SLC2A9: variants seen among roughly 807,000 people sequenced by gnomAD.
SLC2A9 encodes the protein solute carrier family 2, facilitated glucose transporter member 9.
A neutral mutation model predicts 50.6 loss-of-function variants in SLC2A9; 39 were observed. That is an observed-to-expected ratio of 0.77 (90% CI 0.60 to 1.01). The LOEUF (loss-of-function observed/expected upper bound fraction) is 1.01, where lower values mean the gene tolerates loss of function less well. Among genes scored for constraint, SLC2A9 ranks in the 50% least tolerant of loss-of-function variants. The probability of loss-of-function intolerance (pLI) is 0.00; values close to 1 mark genes in which losing one functional copy is unlikely to be tolerated. For synonymous variants in SLC2A9, 324 were observed against 276.9 expected, an observed-to-expected ratio of 1.17 and a Z score of -1.69; for missense variants, 686 against 677.6, an observed-to-expected ratio of 1.01 and a Z score of -0.14.
chr4:9,797,159 A>T (rs1182188719), downstream of SLC2A9, among the ~76,000 whole-genome samples: 1 of 152,134 alleles, frequency 6.6e-6, no homozygotes, highest in African/African-American at 2.4e-5. Context: ...CTCTGCTCTC[A>T]AGGGTGCCTT....
rs116556679 is a variant in SLC2A9 at position 9,934,059 on chromosome 4, G to T, written c.814+7854C>A. On this transcript the variant is annotated intron_variant, in intron 6 of 11. Transcript: ENST00000264784. Reference sequence around the variant, plus strand: ...ATCTGTGACCTTAATTCCATCTGTGGCCCTAATTCCTTCATCATGTAACCT... The same window carrying T: ...ATCTGTGACCTTAATTCCATCTGTGTCCCTAATTCCTTCATCATGTAACCT... Among the ~76,000 whole-genome samples the T allele has an allele frequency of 4.0e-3, 608 of 152,208 alleles. 4 individuals are homozygous for T. The highest frequency in any genetic ancestry group is 0.014 in the African/African-American group (568 of 41,524).
At chr4:9,875,207 G>A (rs1271009058) in intron 10 of SLC2A9, among the ~76,000 whole-genome samples, 26 of 142,982 alleles carry the variant, frequency 1.8e-4, no homozygotes, top group African/African-American at 6.0e-4. Flanking sequence ...ATGGGATGCT[G>A]TGTCTTTAGA....
rs116956085 is a variant in SLC2A9, at chr4:9,948,827, C to A, written c.682-6782G>T. Among the ~76,000 whole-genome samples the A allele has an allele frequency of 5.1e-3, 771 of 152,346 alleles. 16 individuals carry two copies. The East Asian group carries it at 0.077, about 15-fold the overall frequency. ...CATTCTCCAATCAGCTTCCTGCCCA[C>A]ATCTCCATCTCAGGGTCTCTTTTCT... On this transcript the variant is annotated intron_variant, in intron 5 of 11. Transcript: ENST00000264784.
intron 6 of SLC2A9, among the ~76,000 whole-genome samples, chr4:9,935,851 T>A (rs1746973243): frequency 6.6e-6 from 1 of 152,180 alleles, no homozygotes. Flanking sequence ...TGCAGGAAGC[T>A]CTGTGGCTCA....
In SLC2A9 at chr4:10,019,070, A is replaced by T. The variant is rs569612872; in HGVS notation, c.154T>A (p.Trp52Arg). Reference sequence around the variant, plus strand: ...GAGGCCACGAGGAGCGAGCAGGACCAGTCCTGAGGGGAGAGGAAACCACGT... The same window carrying T: ...GAGGCCACGAGGAGCGAGCAGGACCTGTCCTGAGGGGAGAGGAAACCACGT... ...GVPGGRRRKD[W>R]SCSLLVASLA... The change falls in exon 2 of 12, where the codon TGG becomes AGG. Residue 52 changes from tryptophan (W) to arginine (R), a missense_variant. Transcript: ENST00000264784. 4 of 1,551,134 alleles carry T rather than the reference A, an allele frequency of 2.6e-6. No homozygotes were observed. The Admixed American group carries it at 7.8e-5, about 30-fold the overall frequency.
chr4:9,796,991 T>G (rs1405612894), downstream of SLC2A9, among the ~76,000 whole-genome samples: 4 of 152,120 alleles, frequency 2.6e-5, no homozygotes, highest in African/African-American at 7.2e-5. Context: ...GGAAAACGGA[T>G]GTTTGCTGAA....
At chr4:9,991,209 C>T (rs959238264) in intron 3 of SLC2A9, among the ~76,000 whole-genome samples, 1 of 152,198 alleles carries the variant, frequency 6.6e-6, no homozygotes, top group Non-Finnish European at 1.5e-5. Flanking sequence ...GCTTTCCCCA[C>T]CTTAAAGATT....
intron 8 of SLC2A9, among the ~76,000 whole-genome samples, chr4:9,894,358 T>C (rs1028006865): frequency 6.6e-6 from 1 of 152,228 alleles, no homozygotes; most frequent in Admixed American, 6.5e-5. Flanking sequence ...AGTTATATAA[T>C]ATCAATTACA....
At chr4:9,876,033 C>T (rs905316236) in intron 10 of SLC2A9, among the ~76,000 whole-genome samples, 1 of 152,224 alleles carries the variant, frequency 6.6e-6, no homozygotes, top group Non-Finnish European at 1.5e-5. Flanking sequence ...GAATCTCTGC[C>T]ATGCTTTGTC....
In SLC2A9 at chr4:9,838,541, A is replaced by G. The variant is rs180990729; in HGVS notation, c.1292-3533T>C. On this transcript the variant is annotated intron_variant, in intron 10 of 11. Transcript: ENST00000264784. ...TGTGGAACCAAAAAAGAGACTGAAT[A>G]GCCAAGGCAATGCTAAGCAAAAAGA... Among the ~76,000 whole-genome samples, 120 of 152,352 alleles carry G rather than the reference A, an allele frequency of 7.9e-4. 2 individuals are homozygous for G. In the East Asian group the frequency reaches 0.019, roughly 24 times the overall value.
At chr4:9,829,782 T>C (rs1202657825) in intron 11 of SLC2A9, among the ~76,000 whole-genome samples, 1 of 152,112 alleles carries the variant, frequency 6.6e-6, no homozygotes, top group Admixed American at 6.6e-5. Flanking sequence ...TCACTGATCA[T>C]TAGAGAAAGG....
At chr4:9,889,993 C>A (rs994627027) in intron 9 of SLC2A9, among the ~76,000 whole-genome samples, 1 of 152,208 alleles carries the variant, frequency 6.6e-6, no homozygotes, top group Non-Finnish European at 1.5e-5. Context: ...CATCGCCACC[C>A]CTCCTCCTTC....
intron 10 of SLC2A9, among the ~76,000 whole-genome samples, chr4:9,865,988 C>G (rs917970900): frequency 1.3e-5 from 2 of 152,184 alleles, no homozygotes; most frequent in South Asian, 2.1e-4. Flanking sequence ...CACAGCCGAG[C>G]ACTTCACCCA....
intron 7 of SLC2A9, among the ~76,000 whole-genome samples, chr4:9,918,359 C>T (rs375240987): frequency 1.3e-5 from 2 of 152,158 alleles, no homozygotes; most frequent in South Asian, 2.1e-4. Flanking sequence ...GAGAGCTGGA[C>T]CACAGTGTGG....
At chr4:9,784,502 C>G (rs1446360816) in intron 3 of SLC2A9, among the ~76,000 whole-genome samples, 1 of 152,188 alleles carries the variant, frequency 6.6e-6, no homozygotes, top group Non-Finnish European at 1.5e-5. Flanking sequence ...AAAAAAGAAA[C>G]TCTATTTTTA....
At chr4:9,897,134 G>A (rs961398311) in intron 8 of SLC2A9, among the ~76,000 whole-genome samples, 3 of 152,182 alleles carry the variant, frequency 2.0e-5, no homozygotes, top group Non-Finnish European at 4.4e-5. Context: ...TCAAGTCTAG[G>A]CACTCCGGCT....
At chr4:9,974,531 A>C (rs1754455092) in intron 5 of SLC2A9, among the ~76,000 whole-genome samples, 1 of 151,744 alleles carries the variant, frequency 6.6e-6, no homozygotes, top group Non-Finnish European at 1.5e-5. Context: ...AAAAAAAAAA[A>C]CTAGGAAATA....
chr4:9,908,842 C>T (rs1002557700), intron 7 of SLC2A9, among the ~76,000 whole-genome samples: 5 of 152,088 alleles, frequency 3.3e-5, no homozygotes, highest in South Asian at 2.1e-4. Context: ...GTGGGGCTTC[C>T]AGGAAGTTTC....
chr4:9,873,396 T>A lies in SLC2A9; in HGVS notation c.1291+14171A>T, dbSNP rs1271065666. Among the ~76,000 whole-genome samples the A allele has an allele frequency of 3.3e-5, 5 of 152,350 alleles. No individual in the cohort carries two copies. In the East Asian group the frequency reaches 9.6e-4, roughly 29 times the overall value. On this transcript the variant is annotated intron_variant, in intron 10 of 11. Coordinates refer to ENST00000264784, the MANE Select transcript of SLC2A9 (RefSeq NM_020041.3). ...CAGGCAATTGTAGAATAGCCACAGT[T>A]CTTTGCAGCCCCTCCAATGGGAGGG...
Sources: gnomAD v4.1 joint callset for allele counts (sites outside exome capture counted in the v4.1 genomes callset) on GRCh38, gnomAD v4.1.1 for gene constraint, MANE v1.5 for transcripts, NCBI Gene and HGNC (gene_info 2026-07-23, HGNC 2026-07-21) for gene names.